The following MANBA variants were observed in gnomAD, a reference collection of about 807,000 sequenced individuals.
The protein encoded by MANBA is mannosidase beta.
MANBA carries 83 observed loss-of-function variants against 111.1 expected under a neutral mutation model. The observed-to-expected ratio is 0.75, with a 90% CI of 0.63 to 0.90. The LOEUF is 0.90. Ranked by LOEUF, MANBA falls within the 40% of genes least tolerant of loss-of-function variation. MANBA has a pLI of 0.00. For missense variants in MANBA, 1,036 were observed against 1,069.0 expected, an observed-to-expected ratio of 0.97 and a Z score of 0.43; for synonymous variants, 370 against 378.7, an observed-to-expected ratio of 0.98 and a Z score of 0.27.
chr4:102,691,000 C>T (rs1560776321), intron 5 of MANBA: 2 of 163,144 alleles, frequency 1.2e-5, no homozygotes, highest in South Asian at 4.0e-4. Context: ...CATAGACTTC[C>T]ACTCTAAAAA....
rs550554714 is a variant in MANBA, at chr4:102,747,500, C to T, written c.177+13218G>A. On this transcript the variant is annotated intron_variant, in intron 1 of 16. Coordinates refer to ENST00000647097, the MANE Select transcript of MANBA (RefSeq NM_005908.4). ...TCTCCTTTGACAACACCCTCACAGA[C>T]ACACCCAGGATTAGTACTTCGTATC... Among the ~76,000 whole-genome samples the T allele has an allele frequency of 4.6e-5, 7 of 152,310 alleles. No homozygotes were observed. In the South Asian group the frequency reaches 1.4e-3, roughly 32 times the overall value.
At chr4:102,687,300 C>T (rs531123802) in intron 7 of MANBA, among the ~76,000 whole-genome samples, 1 of 128,160 alleles carries the variant, frequency 7.8e-6, no homozygotes, top group African/African-American at 2.9e-5. Flanking sequence ...TAACTGGTCC[C>T]CTACTCTTGC....
At chr4:102,669,729 C>A (rs1731402835) in intron 9 of MANBA, among the ~76,000 whole-genome samples, 1 of 152,154 alleles carries the variant, frequency 6.6e-6, no homozygotes. Flanking sequence ...GCCTGTAATC[C>A]CAGAATTTTG....
chr4:102,745,930 A>T (rs1198553222), intron 1 of MANBA, among the ~76,000 whole-genome samples: 1 of 152,178 alleles, frequency 6.6e-6, no homozygotes, highest in Non-Finnish European at 1.5e-5. Flanking sequence ...CTGGGACTTT[A>T]GTCTAGGTAT....
intron 11 of MANBA, among the ~76,000 whole-genome samples, chr4:102,658,186 T>C (rs1245860032): frequency 6.6e-6 from 1 of 152,230 alleles, no homozygotes; most frequent in Non-Finnish European, 1.5e-5. Flanking sequence ...ATGGGTGGTG[T>C]ACAGTCTAGT....
intron 5 of MANBA, 147 bp from the exon 6 acceptor site, chr4:102,690,918 C>T (rs1363835436): frequency 2.9e-5 from 7 of 239,242 alleles, no homozygotes; most frequent in Non-Finnish European, 5.4e-5. Context: ...ATCAAAACTT[C>T]GTGGAAATTT....
At chr4:102,672,863 C>G (rs570069741) in intron 8 of MANBA, among the ~76,000 whole-genome samples, 12 of 152,292 alleles carry the variant, frequency 7.9e-5, no homozygotes, top group African/African-American at 2.6e-4. Flanking sequence ...CACCCCCAAT[C>G]TGTAGAAAAA....
At chr4:102,756,603 A>C (rs1724030197) in intron 1 of MANBA, among the ~76,000 whole-genome samples, 1 of 152,102 alleles carries the variant, frequency 6.6e-6, no homozygotes, top group Non-Finnish European at 1.5e-5. Context: ...CGTTGTGCAC[A>C]TGTACCCTAG....
At chr4:102,712,743 G>A (rs373865095) in intron 5 of MANBA, among the ~76,000 whole-genome samples, 1 of 151,850 alleles carries the variant, frequency 6.6e-6, no homozygotes, top group African/African-American at 2.4e-5. Context: ...TGTCTAGGTC[G>A]GTCTCTAACT....
intron 10 of MANBA, chr4:102,666,689 TC>T (rs1731241939): frequency 6.6e-6 from 1 of 152,068 alleles, no homozygotes; most frequent in Non-Finnish European, 1.5e-5. Context: ...TACCCAGAGG[TC>T]AAGAAGCCAC....
intron 13 of MANBA, among the ~76,000 whole-genome samples, chr4:102,647,666 G>C (rs1471809368): frequency 1.3e-5 from 2 of 152,012 alleles, no homozygotes; most frequent in Non-Finnish European, 2.9e-5. Context: ...CACTTTTCAA[G>C]GGACAGATAC....
At position 102,639,839 on chromosome 4, in the gene MANBA, C is replaced by T. The variant is rs1560741333; in HGVS notation, c.1888G>A (p.Val630Ile). ...CGGTAGAATTCAGTTTCTGTTTTGA[C>T]ACACTGGGCCTGCATCACCTGATTC... ...YLTQVMQAQC[V>I]KTETEFYRRS... Residue 630 changes from valine (V) to isoleucine (I), a missense_variant, in exon 14 of 17, where the codon GTC (valine) becomes ATC (isoleucine). Coordinates refer to ENST00000647097, the MANE Select transcript of MANBA (RefSeq NM_005908.4). 3 of 1,614,102 alleles carry T rather than the reference C, an allele frequency of 1.9e-6. No individual in the cohort carries two copies. Among genetic ancestry groups the T allele is most frequent in the East Asian group, 4.5e-5 (2 of 44,888 alleles).
intron 13 of MANBA, among the ~76,000 whole-genome samples, chr4:102,647,282 C>G (rs1276075304): frequency 6.8e-6 from 1 of 148,056 alleles, no homozygotes. Flanking sequence ...TAGACACTAA[C>G]AAGCCACACG....
chr4:102,743,854 T>C (rs1484222529), intron 1 of MANBA, among the ~76,000 whole-genome samples: 1 of 152,216 alleles, frequency 6.6e-6, no homozygotes, highest in East Asian at 1.9e-4. Flanking sequence ...AGAGTAGTTA[T>C]CTGCAGAAGA....
intron 1 of MANBA, among the ~76,000 whole-genome samples, chr4:102,731,912 A>G (rs1340727429): frequency 1.4e-5 from 2 of 144,338 alleles, no homozygotes; most frequent in South Asian, 2.2e-4. Flanking sequence ...CTCTTTTTAC[A>G]CTTTTTTTTT....
At chr4:102,650,432 G>A in intron 13 of MANBA, 105 bp downstream of exon 13, 1 of 1,145,370 alleles carries the variant, frequency 8.7e-7, no homozygotes, top group Non-Finnish European at 1.3e-6. Context: ...TTAACCAGTG[G>A]AATGAAAACC....
chr4:102,750,966 T>G (rs1723768454), intron 1 of MANBA, among the ~76,000 whole-genome samples: 3 of 152,076 alleles, frequency 2.0e-5, no homozygotes, highest in Admixed American at 2.0e-4. Context: ...GCATAGTGGA[T>G]AGAGAAGAAA....
intron 12 of MANBA, among the ~76,000 whole-genome samples, chr4:102,653,178 T>A (rs1730411681): frequency 6.6e-6 from 1 of 151,426 alleles, no homozygotes; most frequent in Non-Finnish European, 1.5e-5. Flanking sequence ...TTAGTTAACT[T>A]AATCTTTACT....
intron 1 of MANBA, among the ~76,000 whole-genome samples, chr4:102,743,771 C>A (rs1723495546): frequency 6.6e-6 from 1 of 152,210 alleles, no homozygotes; most frequent in Non-Finnish European, 1.5e-5. Context: ...CACACAGTGA[C>A]TTGATGACCC....
Sources: allele counts gnomAD v4.1 joint callset (sites outside exome capture counted in the v4.1 genomes callset), GRCh38; gene constraint gnomAD v4.1.1; transcripts MANE v1.5; gene names NCBI Gene and HGNC (gene_info 2026-07-23, HGNC 2026-07-21).